PDS5A: variants seen among roughly 807,000 people sequenced by gnomAD.
PDS5A encodes PDS5 cohesin associated factor A, also known as sister chromatid cohesion protein PDS5 homolog A.
A neutral mutation model predicts 167.1 loss-of-function variants in PDS5A; 42 were observed. That is an observed-to-expected ratio of 0.25 (90% confidence interval 0.20 to 0.33). The LOEUF is 0.33. Among genes scored for constraint, PDS5A ranks in the 10% least tolerant of loss-of-function variants. The pLI, the probability that PDS5A is intolerant of heterozygous loss-of-function variation, is 1.00. For missense variants in PDS5A, 1,033 were observed against 1,605.9 expected (o/e 0.64, Z 6.10); for synonymous variants, 553 against 554.6 (o/e 1.00, Z 0.04).
At chr4:39,830,002 G>A (rs1038842035) in intron 32 of PDS5A, among the ~76,000 whole-genome samples, 3 of 131,922 alleles carry the variant, frequency 2.3e-5, no homozygotes, top group Non-Finnish European at 4.6e-5. Context: ...CCAAGCTACC[G>A]CCATGAGCAG....
intron 26 of PDS5A, 55 bp from the exon 27 acceptor site, chr4:39,849,707 C>A (rs928272927): frequency 1.6e-6 from 2 of 1,239,136 alleles, no homozygotes; most frequent in African/African-American, 3.0e-5. Flanking sequence ...TAGCTTAAAG[C>A]AATAAATATG....
chr4:39,922,928 T>G (rs186437903), intron 5 of PDS5A, among the ~76,000 whole-genome samples, 180 bp from the exon 6 acceptor site: 3 of 152,192 alleles, frequency 2.0e-5, no homozygotes, highest in Admixed American at 1.3e-4. Flanking sequence ...TCTTTCTCCT[T>G]TTGTTGACTA....
chr4:39,864,441 C>T (rs533275837), intron 23 of PDS5A, among the ~76,000 whole-genome samples: 2 of 152,288 alleles, frequency 1.3e-5, no homozygotes, highest in Admixed American at 1.3e-4. Flanking sequence ...CCCACCCCGA[C>T]ACTGTGGATT....
At chr4:39,894,667 C>T (rs1326902427) in intron 16 of PDS5A, among the ~76,000 whole-genome samples, 4 of 152,140 alleles carry the variant, frequency 2.6e-5, no homozygotes, top group Non-Finnish European at 5.9e-5. Flanking sequence ...AGTCCTTATC[C>T]TTTATAAGTT....
intron 30 of PDS5A, among the ~76,000 whole-genome samples, chr4:39,843,095 G>C (rs564873681): frequency 7.3e-5 from 11 of 151,172 alleles, no homozygotes; most frequent in Admixed American, 3.3e-4. Flanking sequence ...GATTGGTTTC[G>C]AACTCCTGGG....
intron 2 of PDS5A, among the ~76,000 whole-genome samples, chr4:39,943,160 ACACACACACGCACG>A (rs1362625960): frequency 3.1e-5 from 4 of 131,014 alleles, no homozygotes; most frequent in Non-Finnish European, 6.8e-5. Flanking sequence ...ACACACACAC[ACACACACACGCACG>A]CACACATATA....
intron 2 of PDS5A, among the ~76,000 whole-genome samples, chr4:39,950,611 G>C (rs1728256358): frequency 6.6e-6 from 1 of 152,068 alleles, no homozygotes; most frequent in African/African-American, 2.4e-5. Context: ...TTGAGATGGA[G>C]TCTTGCTCTG....
chr4:39,943,738 C>A (rs1001677236), intron 2 of PDS5A, among the ~76,000 whole-genome samples: 4 of 151,432 alleles, frequency 2.6e-5, no homozygotes, highest in African/African-American at 9.7e-5. Flanking sequence ...ACCTGGGAGG[C>A]GGCGGTTGCA....
At chr4:39,877,211 G>A in intron 18 of PDS5A, 58 bp from the exon 19 acceptor site, 2 of 1,085,986 alleles carry the variant, frequency 1.8e-6, no homozygotes, top group South Asian at 3.9e-5. Context: ...CATTAAAAAA[G>A]AATTACTTCC....
At chr4:39,888,383 T>C (rs895104687) in intron 17 of PDS5A, among the ~76,000 whole-genome samples, 5 of 152,038 alleles carry the variant, frequency 3.3e-5, no homozygotes, top group East Asian at 3.9e-4. Flanking sequence ...GAAAACTGTA[T>C]GGAGGTTCCT....
intron 16 of PDS5A, among the ~76,000 whole-genome samples, chr4:39,893,651 T>C (rs145296088): frequency 4.6e-5 from 7 of 152,314 alleles, no homozygotes; most frequent in East Asian, 1.9e-4. Flanking sequence ...AGAGGAAATA[T>C]GTAAATAATA....
In PDS5A at chr4:39,964,496, A is replaced by G. The variant is rs535005097; in HGVS notation, c.138+11944T>C. ...AGGTGGGAGGATGGCTTGAGGCCAAAAGTTCAAGACCAGCCTGATCAACGT... is the reference window on the plus strand; with the variant it reads ...AGGTGGGAGGATGGCTTGAGGCCAAGAGTTCAAGACCAGCCTGATCAACGT... On this transcript the variant is annotated intron_variant, in intron 2 of 32. Coordinates refer to ENST00000303538, the MANE Select transcript of PDS5A (RefSeq NM_001100399.2). Among the ~76,000 whole-genome samples, 3 of 152,284 alleles carry G rather than the reference A, an allele frequency of 2.0e-5. No homozygotes were observed. The East Asian group carries it at 5.8e-4, about 29-fold the overall frequency.
intron 32 of PDS5A, among the ~76,000 whole-genome samples, chr4:39,834,537 CTTCT>C (rs1393009260): frequency 6.6e-6 from 1 of 152,144 alleles, no homozygotes; most frequent in East Asian, 1.9e-4. Context: ...CTCCTTCTGA[CTTCT>C]TTTTGCTTCT....
intron 22 of PDS5A, among the ~76,000 whole-genome samples, chr4:39,868,903 T>G (rs184733057): frequency 1.3e-5 from 2 of 152,354 alleles, no homozygotes; most frequent in East Asian, 3.9e-4. Context: ...TCTGCCACAG[T>G]GCCCAGCTTG....
chr4:39,826,495 T>TTATTTATTTATTTATG (rs1715337671), intron 32 of PDS5A, among the ~76,000 whole-genome samples: 1 of 151,496 alleles, frequency 6.6e-6, no homozygotes, highest in African/African-American at 2.4e-5. Flanking sequence ...ATTTATTTAT[T>TTATTTATTTATTTATG]TATTTATTTG....
intron 26 of PDS5A, among the ~76,000 whole-genome samples, chr4:39,853,492 T>C (rs1718286022): frequency 1.3e-5 from 2 of 152,220 alleles, no homozygotes; most frequent in Admixed American, 6.5e-5. Flanking sequence ...TATCTAATTC[T>C]GTCACCCTCA....
intron 2 of PDS5A, among the ~76,000 whole-genome samples, chr4:39,953,706 G>T (rs1578815922): frequency 6.6e-6 from 1 of 152,080 alleles, no homozygotes; most frequent in African/African-American, 2.4e-5. Context: ...CTCCAGCCTA[G>T]GCCACAGAGC....
chr4:39,841,614 G>A (rs1474805535), intron 31 of PDS5A, among the ~76,000 whole-genome samples: 3 of 151,474 alleles, frequency 2.0e-5, no homozygotes, highest in African/African-American at 7.3e-5. Context: ...CTGGGTTCAA[G>A]CAATTCTCCT....
intron 2 of PDS5A, among the ~76,000 whole-genome samples, chr4:39,946,069 T>C (rs1325957959): frequency 3.3e-5 from 5 of 151,620 alleles, no homozygotes; most frequent in Non-Finnish European, 7.4e-5. Flanking sequence ...TAGCTGGGCA[T>C]GGTGGCAGGT....
Sources: gnomAD v4.1 joint callset for allele counts (sites outside exome capture counted in the v4.1 genomes callset) on GRCh38, gnomAD v4.1.1 for gene constraint, MANE v1.5 for transcripts, NCBI Gene and HGNC (gene_info 2026-07-23, HGNC 2026-07-21) for gene names.